Variants in RILPL2 observed in about 807,000 individuals in gnomAD.
The protein encoded by RILPL2 is RILP-like protein 2.
RILPL2 carries 19 observed loss-of-function variants against 22.2 expected under a neutral mutation model. The ratio of observed to expected loss-of-function variants is 0.86; its 90% confidence interval spans 0.60 to 1.25. RILPL2 has a LOEUF of 1.25. RILPL2 is among the 50% of genes most tolerant of loss of function. The pLI is 0.00. For synonymous variants in RILPL2, 123 were observed against 111.6 expected, an observed-to-expected ratio of 1.10 and a Z score of -0.64; for missense variants, 243 against 263.6, an observed-to-expected ratio of 0.92 and a Z score of 0.54.
At chr12:123,422,023 G>T (rs1394951170) in intron 3 of RILPL2, among the ~76,000 whole-genome samples, 1 of 73,590 alleles carries the variant, frequency 1.4e-5, no homozygotes, top group African/African-American at 4.3e-5. Flanking sequence ...TTTTTTTTGA[G>T]ATAGGGTCAC....
At chr12:123,409,714 CTTTTTTTTTTT>C in the RILPL2 span, among the ~76,000 whole-genome samples, 24 of 90,566 alleles carry the variant, frequency 2.6e-4, no homozygotes, top group African/African-American at 8.2e-4. Context: ...CACACCTGGC[CTTTTTTTTTTT>C]TTTTTTTTTT....
Position 123,436,379 on chromosome 12 carries a change from T to C in RILPL2, c.42A>G (p.Gly14=). Residue 14 remains glycine, a synonymous_variant, in exon 1 of 4, where the codon GGA becomes GGG. Transcript: ENST00000280571. The surrounding 1 kb of genome is among the most constrained non-coding windows in gnomAD (Gnocchi z 6.7). ...CCTCGTCCCTCTCCTCGTCCTCCTC[T>C]CCCTCCTCCTCTTCCTCTTCTCGCA... ...PPVREEEEEE[G]EEDEERDEVG... 6.4e-7 allele frequency: 1 copy of C among 1,551,948 alleles called. No individual in the cohort carries two copies. The highest frequency in any genetic ancestry group is 1.2e-5 in the South Asian group (1 of 84,242).
At chr12:123,424,919 T>C (rs1879395072) in intron 2 of RILPL2, among the ~76,000 whole-genome samples, 1 of 152,004 alleles carries the variant, frequency 6.6e-6, no homozygotes, top group Admixed American at 6.6e-5. Flanking sequence ...TCTAGCTCTG[T>C]CACCCAGGCT....
chr12:123,417,893 G>A (rs1879163653), intron 3 of RILPL2, among the ~76,000 whole-genome samples: 1 of 148,428 alleles, frequency 6.7e-6, no homozygotes, highest in Non-Finnish European at 1.5e-5. Context: ...CCTGTTCTGG[G>A]AATTTCTGTA....
At chr12:123,431,443 G>C (rs1176128913) in intron 1 of RILPL2, among the ~76,000 whole-genome samples, 1 of 152,146 alleles carries the variant, frequency 6.6e-6, no homozygotes, top group Non-Finnish European at 1.5e-5. Context: ...TTTCAGTTTT[G>C]CAAGATGAAG....
intron 3 of RILPL2, among the ~76,000 whole-genome samples, chr12:123,421,260 T>C (rs1879274836): frequency 6.6e-6 from 1 of 152,056 alleles, no homozygotes; most frequent in Admixed American, 6.6e-5. Flanking sequence ...GCCAGGCTGG[T>C]CTCGAACTCA....
At chr12:123,423,394 C>T (rs1042959542) in intron 2 of RILPL2, among the ~76,000 whole-genome samples, 2 of 151,358 alleles carry the variant, frequency 1.3e-5, no homozygotes, top group African/African-American at 4.9e-5. Context: ...TAGAGATGGG[C>T]TTCACCGTGT....
chr12:123,435,078 G>T lies in RILPL2; in HGVS notation c.339+1004C>A, dbSNP rs550339553. 5.9e-5 allele frequency among the ~76,000 whole-genome samples: 9 copies of T among 152,108 alleles called. 1 individual carries two copies. The South Asian group carries it at 1.7e-3, about 28-fold the overall frequency. On this transcript the variant is annotated intron_variant, in intron 1 of 3. Transcript: ENST00000280571. ...GCTTGCAATCCCAGCTGCTCAGGAG[G>T]CTGAGGCAGGAGAATCGCTTGAATC...
At chr12:123,417,230 C>T (rs551597151) in intron 3 of RILPL2, among the ~76,000 whole-genome samples, 5 of 150,468 alleles carry the variant, frequency 3.3e-5, no homozygotes, top group South Asian at 2.1e-4. Context: ...AACTGGGAGG[C>T]GGAGGTTGCA....
chr12:123,409,573 G>A, the RILPL2 span, among the ~76,000 whole-genome samples: 1 of 145,728 alleles, frequency 6.9e-6, no homozygotes, highest in Non-Finnish European at 1.5e-5. Flanking sequence ...TTTTGAGACA[G>A]TCTCTGTTAC....
chr12:123,418,788 G>A (rs1308936655), intron 3 of RILPL2, among the ~76,000 whole-genome samples: 2 of 116,204 alleles, frequency 1.7e-5, no homozygotes, highest in African/African-American at 3.2e-5. Context: ...TTGAGACAGA[G>A]TCTTGCTCTG....
intron 3 of RILPL2, 78 bp downstream of exon 3, chr12:123,422,966 G>A (rs1879324532): frequency 9.7e-7 from 1 of 1,029,328 alleles, no homozygotes; most frequent in East Asian, 2.4e-5. Flanking sequence ...CTGGGCAGCT[G>A]GTCAGCCTCT....
In RILPL2 at chr12:123,415,867, A is replaced by G. The variant is rs1231695265; in HGVS notation, c.*24T>C. On this transcript the variant is annotated 3_prime_UTR_variant, in exon 4 of 4. Transcript: ENST00000280571. The stretch of plus-strand genomic sequence containing the variant: ...AAGGTTGTCTTCTAGAATCAGAGCC[A>G]TAGCCTTACTTGTGGCCTTGGATCT... 2 of 1,613,580 alleles carry G rather than the reference A, an allele frequency of 1.2e-6. No individual in the cohort carries two copies. The highest frequency in any genetic ancestry group is 4.5e-5 in the East Asian group (2 of 44,896).
chr12:123,410,047 C>T (rs571127818), downstream of RILPL2, among the ~76,000 whole-genome samples: 331 of 152,096 alleles, frequency 2.2e-3, 3 homozygotes, highest in African/African-American at 7.3e-3. Context: ...AGGGTTTCAC[C>T]GTGTTGGCCA....
At chr12:123,409,368 CTT>C in the RILPL2 span, 1 of 130,078 alleles carries the variant, frequency 7.7e-6, no homozygotes, top group African/African-American at 4.4e-5. Context: ...ACGTGTGTGT[CTT>C]TCTGTTTTTA....
chr12:123,417,388 C>T (rs1215116931), intron 3 of RILPL2, among the ~76,000 whole-genome samples: 1 of 151,986 alleles, frequency 6.6e-6, no homozygotes, highest in African/African-American at 2.4e-5. Context: ...CCAGAGTGAG[C>T]TTTTTGTACA....
downstream of RILPL2, chr12:123,412,590 G>A (rs1879002018): frequency 6.6e-6 from 1 of 152,092 alleles, no homozygotes; most frequent in Admixed American, 6.6e-5. Context: ...TTGTATCTGG[G>A]CTCAAGTCCT....
chr12:123,428,378 C>T (rs1378271724), intron 2 of RILPL2, among the ~76,000 whole-genome samples: 1 of 151,878 alleles, frequency 6.6e-6, no homozygotes, highest in African/African-American at 2.4e-5. Flanking sequence ...CCTTGTGATC[C>T]ACCCACCTCG....
At chr12:123,420,767 A>G (rs1211690513) in intron 3 of RILPL2, among the ~76,000 whole-genome samples, 2 of 152,268 alleles carry the variant, frequency 1.3e-5, no homozygotes, top group South Asian at 2.1e-4. Flanking sequence ...TTTCCTGAGC[A>G]TCACCATGTG....
Sources: allele counts gnomAD v4.1 joint callset (sites outside exome capture counted in the v4.1 genomes callset), GRCh38; gene constraint gnomAD v4.1.1; non-coding constraint Gnocchi (gnomAD v3.1); transcripts MANE v1.5; gene names NCBI Gene and HGNC (gene_info 2026-07-23, HGNC 2026-07-21).